The following DNAH8 variants were observed in gnomAD, a reference collection of about 807,000 sequenced individuals.
DNAH8 encodes the protein axonemal beta dynein heavy chain 8.
DNAH8 carries 382 observed loss-of-function variants against 562.1 expected under a neutral mutation model. The observed-to-expected ratio is 0.68, with a 90% CI of 0.63 to 0.74. DNAH8 has a LOEUF of 0.74. Ranked by LOEUF, DNAH8 falls within the 30% of genes least tolerant of loss-of-function variation. The probability of loss-of-function intolerance (pLI) is 0.00; values close to 1 mark genes in which losing one functional copy is unlikely to be tolerated. For synonymous variants in DNAH8, 1,881 were observed against 1,919.4 expected, an observed-to-expected ratio of 0.98 and a Z score of 0.52; for missense variants, 5,203 against 5,620.4, an observed-to-expected ratio of 0.93 and a Z score of 2.37.
chr6:38,871,700 G>T (rs535631878), intron 49 of DNAH8, among the ~76,000 whole-genome samples: 13 of 152,178 alleles, frequency 8.5e-5, no homozygotes, highest in African/African-American at 2.9e-4. Flanking sequence ...ATGTCTCCTC[G>T]AATCTCTTGT....
intron 68 of DNAH8, among the ~76,000 whole-genome samples, chr6:38,916,461 G>T (rs9470950): frequency 0.15 from 22,129 of 152,080 alleles, 1,914 homozygotes; most frequent in South Asian, 0.36. Context: ...AATTGTATTT[G>T]CTTTGCCATT....
intron 9 of DNAH8, among the ~76,000 whole-genome samples, chr6:38,750,821 A>G (rs1270726652): frequency 6.6e-6 from 1 of 152,122 alleles, no homozygotes; most frequent in East Asian, 1.9e-4. Context: ...TAATGCATTA[A>G]AAATCTTTAA....
chr6:38,931,916 T>A lies in DNAH8; in HGVS notation c.11380T>A (p.Ser3794Thr), dbSNP rs1324608029. 6.2e-7 allele frequency: 1 copy of A among 1,611,972 alleles called. No homozygotes were observed. Among genetic ancestry groups the A allele is most frequent in the East Asian group, 2.2e-5 (1 of 44,696 alleles). ...AFTPEINAKT[S>T]VIDFTVTMKG... ...TACCCCAGAGATTAATGCTAAAACG[T>A]CAGTCATTGATTTCACTGTTACAAT... The change falls in exon 76 of 93, where the codon TCA (serine) becomes ACA (threonine). Residue 3794 changes from serine (S) to threonine (T), a missense_variant. Physicochemically the swap from Ser to Thr is moderately conservative, Grantham distance 58. This residue lies in a region of DNAH8 where 1,399 missense variants were observed against 1,518.4 expected (regional missense o/e 0.92). Transcript: ENST00000327475.
intron 11 of DNAH8, among the ~76,000 whole-genome samples, chr6:38,767,369 G>A (rs1358074053): frequency 6.6e-6 from 1 of 151,346 alleles, no homozygotes; most frequent in Non-Finnish European, 1.5e-5. Context: ...CCTGGGAGGC[G>A]TAGATTGCAG....
chr6:38,949,170 G>T (rs1299142956), intron 80 of DNAH8, among the ~76,000 whole-genome samples: 1 of 152,186 alleles, frequency 6.6e-6, no homozygotes, highest in Non-Finnish European at 1.5e-5. Flanking sequence ...CCAAGCTTGA[G>T]AAACCTTGAT....
intron 62 of DNAH8, among the ~76,000 whole-genome samples, chr6:38,904,929 G>T (rs1024566857): frequency 6.6e-6 from 1 of 152,122 alleles, no homozygotes; most frequent in African/African-American, 2.4e-5. Flanking sequence ...GAAGCACAGA[G>T]AATACTTTTG....
Position 38,982,395 on chromosome 6 carries a change from A to G in DNAH8, c.12884A>G (p.Asn4295Ser), listed in dbSNP as rs1583501877. The G allele has an allele frequency of 6.2e-7, 1 of 1,612,692 alleles. No homozygotes were observed. Among genetic ancestry groups the G allele is most frequent in the East Asian group, 2.2e-5 (1 of 44,842 alleles). The change falls in exon 86 of 93, where the codon AAT becomes AGT. Residue 4295 changes from asparagine to serine, a missense_variant. Coordinates refer to ENST00000327475, the MANE Select transcript of DNAH8 (RefSeq NM_001206927.2). ...GGATGGAATATTCCCTACGAATTCA[A>G]TTCTGCTGACTTTTCAGCCAGTGTT... ...PLGWNIPYEFNSADFSASVQF... is the reference protein window; with the variant it reads ...PLGWNIPYEFSSADFSASVQF...
intron 12 of DNAH8, among the ~76,000 whole-genome samples, chr6:38,774,458 G>A (rs754404390): frequency 6.6e-6 from 1 of 152,184 alleles, no homozygotes; most frequent in African/African-American, 2.4e-5. Flanking sequence ...GGACAAACTA[G>A]CAGGAGCATG....
chr6:38,721,312 C>G (rs928049435), intron 1 of DNAH8, among the ~76,000 whole-genome samples: 1 of 148,906 alleles, frequency 6.7e-6, no homozygotes, highest in African/African-American at 2.5e-5. Context: ...GACCTTGTCT[C>G]TATGAAAAAT....
At chr6:38,724,602 C>T (rs192488912) in intron 3 of DNAH8, among the ~76,000 whole-genome samples, 320 of 152,214 alleles carry the variant, frequency 2.1e-3, no homozygotes, top group Admixed American at 4.3e-3. Flanking sequence ...TACCTATTTT[C>T]CTGGCATGAT....
At chr6:38,947,046 G>C (rs974114602) in intron 80 of DNAH8, among the ~76,000 whole-genome samples, 3 of 152,204 alleles carry the variant, frequency 2.0e-5, no homozygotes, top group Admixed American at 2.0e-4. Context: ...CAATAACCCT[G>C]CCACAGAAGG....
Position 38,897,789 on chromosome 6 carries a change from A to G in DNAH8, c.8941-469A>G, listed in dbSNP as rs1453082474. Among the ~76,000 whole-genome samples the G allele has an allele frequency of 5.3e-5, 8 of 152,298 alleles. No individual in the cohort carries two copies. The East Asian group carries it at 1.5e-3, about 29-fold the overall frequency. The stretch of plus-strand genomic sequence containing the variant: ...GAGTACCTTGACTCTAAAAAATAAA[A>G]ATAAAAATAAAGTGTATGCAGATCA... On this transcript the variant is annotated intron_variant, in intron 60 of 92. Transcript: ENST00000327475.
At chr6:38,863,694 C>T (rs1337625990) in intron 44 of DNAH8, among the ~76,000 whole-genome samples, 179 bp from the exon 45 acceptor site, 4 of 152,102 alleles carry the variant, frequency 2.6e-5, no homozygotes, top group Non-Finnish European at 5.9e-5. Flanking sequence ...TGAAAATATA[C>T]AAATAATTAA....
intron 22 of DNAH8, among the ~76,000 whole-genome samples, chr6:38,804,998 C>G (rs1034303314): frequency 2.0e-5 from 3 of 151,998 alleles, no homozygotes; most frequent in African/African-American, 4.8e-5. Context: ...TACAGGACAG[C>G]CCCCAGCAAC....
At chr6:38,960,431 A>T (rs2894417) in intron 82 of DNAH8, among the ~76,000 whole-genome samples, 50,542 of 151,354 alleles carry the variant, frequency 0.33, 9,019 homozygotes, top group East Asian at 0.52. Context: ...AAAAAAAAAA[A>T]AATAATAATC....
intron 82 of DNAH8, among the ~76,000 whole-genome samples, chr6:38,963,253 C>CTTTTTT (rs57083753): frequency 5.9e-4 from 61 of 102,614 alleles, no homozygotes; most frequent in Non-Finnish European, 8.8e-4. Flanking sequence ...AGTCCTTTTT[C>CTTTTTT]TTTTTTTTTT....
At chr6:38,716,016 T>C (rs1762315462) in intron 1 of DNAH8, among the ~76,000 whole-genome samples, 1 of 95,312 alleles carries the variant, frequency 1.0e-5, no homozygotes, top group Admixed American at 1.2e-4. Context: ...TGGAGTGCAG[T>C]GGTGCGATCT....
At chr6:38,924,501 T>TTC (rs1554137030) in intron 73 of DNAH8, among the ~76,000 whole-genome samples, 13 of 149,192 alleles carry the variant, frequency 8.7e-5, no homozygotes, top group African/African-American at 3.2e-4. Flanking sequence ...AGAAACTCCA[T>TTC]CCCCCCCCCA....
chr6:38,728,824 C>T (rs1007691967), intron 3 of DNAH8, among the ~76,000 whole-genome samples: 1 of 152,162 alleles, frequency 6.6e-6, no homozygotes, highest in Non-Finnish European at 1.5e-5. Flanking sequence ...ATGTGATTCT[C>T]TGATGCACAC....
Sources: gnomAD v4.1 joint callset for allele counts (sites outside exome capture counted in the v4.1 genomes callset) on GRCh38, gnomAD v4.1.1 for gene constraint, gnomAD v4.1.1 regional missense constraint, MANE v1.5 for transcripts, NCBI Gene and HGNC (gene_info 2026-07-23, HGNC 2026-07-21) for gene names.